ATP2B1: variants seen among roughly 807,000 people sequenced by gnomAD.
ATP2B1 encodes the protein ATPase plasma membrane Ca2+ transporting 1.
ATP2B1 carries 14 observed loss-of-function variants against 124.2 expected under a neutral mutation model. The ratio of observed to expected loss-of-function variants is 0.11; its 90% CI spans 0.07 to 0.18. The LOEUF is 0.18. ATP2B1 is among the 10% of genes least tolerant of loss of function. The pLI, the probability that ATP2B1 is intolerant of heterozygous loss-of-function variation, is 1.00. For missense variants in ATP2B1, 763 were observed against 1,466.1 expected, an observed-to-expected ratio of 0.52 and a Z score of 7.83; for synonymous variants, 449 against 492.4, an observed-to-expected ratio of 0.91 and a Z score of 1.17.
At chr12:89,604,460 C>T in intron 15 of ATP2B1, 114 bp from the exon 16 acceptor site, 1 of 698,546 alleles carries the variant, frequency 1.4e-6, no homozygotes, top group Non-Finnish European at 2.2e-6. Flanking sequence ...ATAAATATTA[C>T]TTAAATTTAC....
chr12:89,617,110 G>T, intron 11 of ATP2B1, 71 bp from the exon 12 acceptor site: 1 of 1,162,396 alleles, frequency 8.6e-7, no homozygotes, highest in South Asian at 1.3e-5. Context: ...TAAGTGAACT[G>T]GCAGGCCTAG....
intron 1 of ATP2B1, among the ~76,000 whole-genome samples, chr12:89,679,851 G>T (rs1469540175): frequency 6.6e-6 from 1 of 152,128 alleles, no homozygotes; most frequent in Non-Finnish European, 1.5e-5. Flanking sequence ...ACAAGAGATT[G>T]AAAGGGAATA....
intron 18 of ATP2B1, 125 bp downstream of exon 18, chr12:89,602,918 A>G (rs538901686): frequency 1.4e-5 from 11 of 788,630 alleles, no homozygotes; most frequent in Non-Finnish European, 8.1e-6. Context: ...TCACCATGAT[A>G]TTATATATGT....
chr12:89,590,651 CCTCT>C lies in ATP2B1; in HGVS notation c.*329_*332del, dbSNP rs1488972472. The C allele has an allele frequency of 2.2e-5, 4 of 182,372 alleles. No individual in the cohort carries two copies. Among genetic ancestry groups the C allele is most frequent in the Non-Finnish European group, 3.5e-5 (3 of 85,916 alleles). 11.3% of individuals were successfully genotyped at this position (182,372 alleles called of 1,614,324 possible). ...TTTGTCTTGCCCAGTTTTACTCCTC[CCTCT>C]CTCTCCCATCCAGGACTGAGATAAA... On this transcript the variant is annotated 3_prime_UTR_variant, in exon 21 of 21. Coordinates refer to ENST00000428670, the MANE Select transcript of ATP2B1 (RefSeq NM_001366521.1).
chr12:89,673,242 A>T (rs1362930502), intron 1 of ATP2B1, among the ~76,000 whole-genome samples: 1 of 152,214 alleles, frequency 6.6e-6, no homozygotes, highest in African/African-American at 2.4e-5. Flanking sequence ...ATATTTGTGA[A>T]CCTACAAGAG....
In ATP2B1 at chr12:89,607,680, C is replaced by A. The variant is rs143421220; in HGVS notation, c.2442+2257G>T. ...CAGCAGTATCTCTATACATGGTTAA[C>A]TAATTTTTGGCAAGAATAATTTCAT... On this transcript the variant is annotated intron_variant, in intron 15 of 20. Transcript: ENST00000428670. 4.0e-3 allele frequency among the ~76,000 whole-genome samples: 603 copies of A among 152,306 alleles called. 3 individuals are homozygous for A. Among genetic ancestry groups the A allele is most frequent in the South Asian group, 0.019 (90 of 4,830 alleles).
At chr12:89,671,087 A>T (rs758213030) in intron 1 of ATP2B1, among the ~76,000 whole-genome samples, 21 of 152,148 alleles carry the variant, frequency 1.4e-4, no homozygotes, top group Admixed American at 3.3e-4. Flanking sequence ...TGACACTGCC[A>T]TTTTTGTGGA....
chr12:89,702,675 G>GGCAGTGTAATCTCAGATTTC (rs1204585564), intron 1 of ATP2B1, among the ~76,000 whole-genome samples: 1 of 152,122 alleles, frequency 6.6e-6, no homozygotes, highest in Admixed American at 6.5e-5. Context: ...TTTACAGTTA[G>GGCAGTGTAATCTCAGATTTC]GCAGTGTAAT....
chr12:89,684,210 C>T (rs752318592), intron 1 of ATP2B1, among the ~76,000 whole-genome samples: 8 of 151,998 alleles, frequency 5.3e-5, no homozygotes, highest in Admixed American at 2.6e-4. Flanking sequence ...AGAGCAGGGA[C>T]GGGAAAGTAG....
intron 11 of ATP2B1, among the ~76,000 whole-genome samples, chr12:89,619,627 A>G (rs1592758926): frequency 6.6e-6 from 1 of 151,434 alleles, no homozygotes; most frequent in East Asian, 1.9e-4. Context: ...ATAAAAAAAA[A>G]AAAAAAAAGA....
At chr12:89,619,326 T>C (rs1879541465) in intron 11 of ATP2B1, among the ~76,000 whole-genome samples, 1 of 152,050 alleles carries the variant, frequency 6.6e-6, no homozygotes, top group Non-Finnish European at 1.5e-5. Flanking sequence ...AGATCTAAAC[T>C]TGAGGCCAGG....
At chr12:89,665,416 T>A (rs1887193294) in intron 1 of ATP2B1, among the ~76,000 whole-genome samples, 1 of 152,220 alleles carries the variant, frequency 6.6e-6, no homozygotes, top group Non-Finnish European at 1.5e-5. Context: ...GTACCTACTT[T>A]CTTTTGCTCT....
intron 1 of ATP2B1, among the ~76,000 whole-genome samples, chr12:89,663,190 T>C (rs1886902393): frequency 6.6e-6 from 1 of 152,194 alleles, no homozygotes; most frequent in African/African-American, 2.4e-5. Flanking sequence ...AAGAATATGT[T>C]AGGTGTTAGA....
chr12:89,694,412 A>T (rs1191617531), intron 1 of ATP2B1, among the ~76,000 whole-genome samples: 1 of 151,744 alleles, frequency 6.6e-6, no homozygotes, highest in Non-Finnish European at 1.5e-5. Context: ...CCCCCAAACC[A>T]CTCAAAGTTT....
intron 1 of ATP2B1, among the ~76,000 whole-genome samples, chr12:89,705,139 T>C (rs1027706199): frequency 6.6e-6 from 1 of 152,160 alleles, no homozygotes; most frequent in African/African-American, 2.4e-5. Flanking sequence ...ATATGTGGTA[T>C]GTATAGATAA....
At chr12:89,706,035 T>C (rs1210148882) in intron 1 of ATP2B1, among the ~76,000 whole-genome samples, 1 of 152,192 alleles carries the variant, frequency 6.6e-6, no homozygotes, top group Admixed American at 6.5e-5. Context: ...AGGCTGTGCC[T>C]AAAGAGACAG....
chr12:89,660,118 A>G (rs1000303170), intron 1 of ATP2B1, among the ~76,000 whole-genome samples: 2 of 152,172 alleles, frequency 1.3e-5, no homozygotes, highest in Non-Finnish European at 2.9e-5. Flanking sequence ...AATATATGCT[A>G]ATACAACTAA....
At chr12:89,620,486 C>T (rs1192357031) in intron 10 of ATP2B1, among the ~76,000 whole-genome samples, 1 of 152,108 alleles carries the variant, frequency 6.6e-6, no homozygotes. Context: ...TGCTTTGGTC[C>T]TTGGCTTCAG....
intron 1 of ATP2B1, among the ~76,000 whole-genome samples, chr12:89,708,080 C>T (rs1320549373): frequency 6.6e-6 from 1 of 152,206 alleles, no homozygotes; most frequent in Non-Finnish European, 1.5e-5. Context: ...AATCAACCAC[C>T]AGGGCCAGGG....
Sources: gnomAD v4.1 joint callset for allele counts (sites outside exome capture counted in the v4.1 genomes callset) on GRCh38, gnomAD v4.1.1 for gene constraint, MANE v1.5 for transcripts, NCBI Gene and HGNC (gene_info 2026-07-23, HGNC 2026-07-21) for gene names.